The following NOP56 variants were observed in gnomAD, a reference collection of about 807,000 sequenced individuals.
NOP56 encodes NOP56 ribonucleoprotein, also known as nucleolar protein 56.
A neutral mutation model predicts 58.3 loss-of-function variants in NOP56; 31 were observed. That is an observed-to-expected ratio of 0.53 (90% confidence interval 0.40 to 0.72). The LOEUF is 0.72. Ranked by LOEUF, NOP56 falls within the 30% of genes least tolerant of loss-of-function variation. The pLI is 0.00. For synonymous variants in NOP56, 313 were observed against 282.8 expected (o/e 1.11, Z -1.07); for missense variants, 669 against 739.9 (o/e 0.90, Z 1.11).
At position 2,652,843 on chromosome 20, in the gene NOP56, T is replaced by G. The variant is rs1446735906; in HGVS notation, c.5T>G (p.Val2Gly). The G allele has an allele frequency of 1.9e-6, 3 of 1,610,398 alleles. No individual in the cohort carries two copies. The highest frequency in any genetic ancestry group is 1.7e-5 in the Admixed American group (1 of 59,824). The change falls in exon 2 of 12, where the codon GTG (valine) becomes GGG (glycine). Residue 2 changes from valine to glycine, a missense_variant and splice_region_variant. Val to Gly is a moderately radical substitution (Grantham distance 109, BLOSUM62 -3). Around this residue, in one of 3 missense-constraint regions of NOP56, gnomAD observed 121 missense variants for 113.1 expected, o/e 1.07. Transcript: ENST00000329276. ...CTCGCGCCCCGGCTCCCGTTCCAGG[T>G]GCTGTTGCACGTGCTGTTTGAGCAC... M[V>G]LLHVLFEHAV...
intron 3 of NOP56, chr20:2,653,939 G>C (rs1239631529): frequency 6.0e-6 from 2 of 335,680 alleles, no homozygotes; most frequent in African/African-American, 4.3e-5. Context: ...AGGCGCGAGC[G>C]ACGGTGCCCG....
intron 4 of NOP56, 60 bp downstream of exon 4, chr20:2,654,635 G>A (rs1029152162): frequency 1.2e-6 from 2 of 1,608,264 alleles, no homozygotes; most frequent in African/African-American, 1.3e-5. Context: ...GGAGGTTCTG[G>A]AAACTTGGTT....
intron 11 of NOP56, 195 bp from the exon 12 acceptor site, chr20:2,657,734 A>T: frequency 4.8e-6 from 3 of 628,742 alleles, no homozygotes; most frequent in Non-Finnish European, 8.1e-6. Context: ...GGCTGAGGTA[A>T]TTTCTCATGA....
chr20:2,652,721 G>A (rs945888837), intron 1 of NOP56, 58 bp downstream of exon 1: 35 of 1,503,358 alleles, frequency 2.3e-5, no homozygotes, highest in Non-Finnish European at 3.0e-5. Context: ...GCCTGCGTTC[G>A]GGCCGCAGAC....
chr20:2,656,943 G>A lies in NOP56; in HGVS notation c.1281+48G>A, dbSNP rs983108918. 1.9e-6 allele frequency: 3 copies of A among 1,613,864 alleles called. No individual in the cohort carries two copies. In the East Asian group the frequency reaches 6.7e-5, roughly 36 times the overall value. ...TGGAGTGGCATAGCTAGCTGTTGGA[G>A]GTGATGAACTGTCTGAGCCTGACCT... On this transcript the variant is annotated intron_variant, in intron 10 of 11. Transcript: ENST00000329276.
chr20:2,656,660 C>T, intron 9 of NOP56, 111 bp downstream of exon 9: 2 of 1,605,612 alleles, frequency 1.2e-6, no homozygotes, highest in East Asian at 2.2e-5. Flanking sequence ...AACAGCAGTT[C>T]ACCTAGTGAG....
At chr20:2,655,193 A>G (rs371289303) in intron 5 of NOP56, 132 bp from the exon 6 acceptor site, 8 of 1,226,110 alleles carry the variant, frequency 6.5e-6, no homozygotes, top group South Asian at 2.4e-5. Context: ...GAATGGGGGA[A>G]CATAGAATTG....
chr20:2,654,960 G>C lies in NOP56; in HGVS notation c.569+13G>C. ...CTATGCGTGTCAGGTAAAGTGCAGG[G>C]GCCACCCATAATACTGGAGCCTTTG... On this transcript the variant is annotated intron_variant, in intron 5 of 11. Coordinates refer to ENST00000329276, the MANE Select transcript of NOP56 (RefSeq NM_006392.4). 1 of 1,613,692 alleles carries C rather than the reference G, an allele frequency of 6.2e-7. No individual in the cohort carries two copies. The highest frequency in any genetic ancestry group is 8.5e-7 in the Non-Finnish European group (1 of 1,179,970).
At position 2,656,544 on chromosome 20, in the gene NOP56, TCTCTGGTA is replaced by T; in HGVS notation, c.1155_1159+3del. 2 of 1,613,642 alleles carry T rather than the reference TCTCTGGTA, an allele frequency of 1.2e-6. No homozygotes were observed. The highest frequency in any genetic ancestry group is 1.7e-6 in the Non-Finnish European group (2 of 1,179,858). On this transcript the variant is annotated splice_donor_variant and splice_donor_region_variant and coding_sequence_variant and intron_variant, in exon 9 of 12. Coordinates refer to ENST00000329276, the MANE Select transcript of NOP56 (RefSeq NM_006392.4). LOFTEE classifies it high-confidence loss of function. The stretch of plus-strand genomic sequence containing the variant: ...AGTATTGCCTCACGAATCGATTGCT[TCTCTGGTA>T]TGGGTGGGGGGGCGTTGGCAGGTGT...
In NOP56 at chr20:2,657,166, C is replaced by T. The variant is rs74685243; in HGVS notation, c.1367C>T (p.Ala456Val). 3,202 of 1,614,146 alleles carry T rather than the reference C, an allele frequency of 2.0e-3. 64 individuals are homozygous for T. In the African/African-American group the frequency reaches 0.038, roughly 19 times the overall value. ...RLKKEKKRLA[A>V]LALASSENSS... ...AAGAAGGAAAAGAAACGGCTGGCTGCACTTGCCCTCGCGTCTTCAGAAAAC... is the reference window on the plus strand; with the variant it reads ...AAGAAGGAAAAGAAACGGCTGGCTGTACTTGCCCTCGCGTCTTCAGAAAAC... Residue 456 changes from alanine (A) to valine (V), a missense_variant, in exon 11 of 12, where the codon GCA becomes GTA. Ala to Val is a moderately conservative substitution (Grantham distance 64). Coordinates refer to ENST00000329276, the MANE Select transcript of NOP56 (RefSeq NM_006392.4).
Position 2,654,371 on chromosome 20 carries a change from C to G in NOP56, c.209-43C>G, listed in dbSNP as rs767353309. The stretch of plus-strand genomic sequence containing the variant: ...TCAGCTGAGGGATGTTAGAGTTGAT[C>G]GTCCTTCAGCCTGTTAGTGGGAACT... On this transcript the variant is annotated intron_variant, in intron 3 of 11. Transcript: ENST00000329276. 9.3e-6 allele frequency: 15 copies of G among 1,610,636 alleles called. No individual in the cohort carries two copies. The East Asian group carries it at 3.1e-4, about 34-fold the overall frequency.
At position 2,657,218 on chromosome 20, in the gene NOP56, G is replaced by C; in HGVS notation, c.1419G>C (p.Glu473Asp). ...ENSSSTPEECEEMSEKPKKKK... is the reference protein window; with the variant it reads ...ENSSSTPEECDEMSEKPKKKK... ...GCAGTAGTACTCCAGAGGAGTGTGAGGTCAGTAGGCAGCACGGCCCTGGCA... is the reference window on the plus strand; with the variant it reads ...GCAGTAGTACTCCAGAGGAGTGTGACGTCAGTAGGCAGCACGGCCCTGGCA... Residue 473 changes from glutamate to aspartate, a missense_variant and splice_region_variant, in exon 11 of 12, where the codon GAG (glutamate) becomes GAC (aspartate). By Grantham distance (45) the Glu-to-Asp change is conservative. Coordinates refer to ENST00000329276, the MANE Select transcript of NOP56 (RefSeq NM_006392.4). 6.2e-7 allele frequency: 1 copy of C among 1,614,134 alleles called. No homozygotes were observed. The highest frequency in any genetic ancestry group is 8.5e-7 in the Non-Finnish European group (1 of 1,180,032).
intron 3 of NOP56, chr20:2,653,949 G>A (rs912027884): frequency 1.2e-5 from 4 of 336,864 alleles, no homozygotes; most frequent in South Asian, 2.3e-5. Context: ...GACGGTGCCC[G>A]GCCGACAAAG....
rs2086768214 is a variant in NOP56, at chr20:2,652,915, G to A, written c.77G>A (p.Ser26Asn). 8 of 1,605,706 alleles carry A rather than the reference G, an allele frequency of 5.0e-6. No individual in the cohort carries two copies. The highest frequency in any genetic ancestry group is 6.8e-6 in the Non-Finnish European group (8 of 1,175,758). The change falls in exon 2 of 12, where the codon AGT (serine) becomes AAT (asparagine). Residue 26 changes from serine to asparagine, a missense_variant. Around this residue, in one of 3 missense-constraint regions of NOP56, gnomAD observed 121 missense variants for 113.1 expected, o/e 1.07. Coordinates refer to ENST00000329276, the MANE Select transcript of NOP56 (RefSeq NM_006392.4). ...LLALKEVEEISLLQPQVEESV... is the reference protein window; with the variant it reads ...LLALKEVEEINLLQPQVEESV... ...GCGCTGAAGGAAGTGGAGGAGATCAGTCTGCTGCAGCCGCAGGTGGGTGAG... is the reference window on the plus strand; with the variant it reads ...GCGCTGAAGGAAGTGGAGGAGATCAATCTGCTGCAGCCGCAGGTGGGTGAG...
Position 2,658,240 on chromosome 20 carries a change from C to G in NOP56, c.1731C>G (p.Gly577=), listed in dbSNP as rs752085800. The change falls in exon 12 of 12, where the codon GGC becomes GGG. Residue 577 remains glycine, a synonymous_variant. Coordinates refer to ENST00000329276, the MANE Select transcript of NOP56 (RefSeq NM_006392.4). The part of the protein sequence containing the change: ...PVSSGPEEAV[G]KSSSKKKKKF... ...GCAGTGGGCCTGAAGAGGCGGTTGG[C>G]AAGAGCAGCTCCAAGAAGAAGAAAA... 3 of 1,599,094 alleles carry G rather than the reference C, an allele frequency of 1.9e-6. No individual in the cohort carries two copies. Among genetic ancestry groups the G allele is most frequent in the Non-Finnish European group, 2.6e-6 (3 of 1,172,710 alleles).
chr20:2,654,323 C>A (rs749827717), intron 3 of NOP56, 91 bp from the exon 4 acceptor site: 1 of 1,359,594 alleles, frequency 7.4e-7, no homozygotes, highest in African/African-American at 1.4e-5. Flanking sequence ...GCCATCCCAG[C>A]GTGCTCGGTG....
In NOP56 at chr20:2,658,098, G is replaced by C; in HGVS notation, c.1589G>C (p.Ser530Thr). ...CTTGAAGAGACCGCTGGCAGCACCA[G>C]TATTCCCAAGAGGAAGAAGTCTACA... is the stretch of plus-strand genomic sequence containing the variant. ...SDLEETAGST[S>T]IPKRKKSTPK... Residue 530 changes from serine (S) to threonine (T), a missense_variant, in exon 12 of 12, where the codon AGT (serine) becomes ACT (threonine). This residue lies in a region of NOP56 where 209 missense variants were observed against 196.2 expected (regional missense o/e 1.07). Transcript: ENST00000329276. 2.5e-6 allele frequency: 4 copies of C among 1,614,112 alleles called. No individual in the cohort carries two copies. The highest frequency in any genetic ancestry group is 2.5e-6 in the Non-Finnish European group (3 of 1,179,992).
chr20:2,652,737 C>T (rs1453945563), intron 1 of NOP56, 74 bp downstream of exon 1: 1 of 1,491,288 alleles, frequency 6.7e-7, no homozygotes. Flanking sequence ...CAGACAGGGC[C>T]TGGGCCTGGG....
In NOP56 at chr20:2,654,940, C is replaced by A; in HGVS notation, c.562C>A (p.Arg188Ser). ...TAAGGACATCAATACCTTCTCTATG[C>A]GTGTCAGGTAAAGTGCAGGGGCCAC... is the stretch of plus-strand genomic sequence containing the variant. Reference protein sequence around the residue: ...LDKDINTFSMRVREWYGYHFP... With the variant: ...LDKDINTFSMSVREWYGYHFP... Residue 188 changes from arginine to serine, a missense_variant, in exon 5 of 12, where the codon CGT becomes AGT. Transcript: ENST00000329276. The A allele has an allele frequency of 6.2e-7, 1 of 1,614,062 alleles. No homozygotes were observed. Among genetic ancestry groups the A allele is most frequent in the South Asian group, 1.1e-5 (1 of 91,084 alleles).
Sources: allele counts gnomAD v4.1 joint callset, GRCh38; gene constraint gnomAD v4.1.1; regional missense constraint gnomAD v4.1.1; transcripts MANE v1.5; gene names NCBI Gene and HGNC (gene_info 2026-07-23, HGNC 2026-07-21).